NELL2: variants seen among roughly 807,000 people sequenced by gnomAD.
The protein encoded by NELL2 is protein kinase C-binding protein NELL2.
In NELL2, 41 loss-of-function variants were observed where a neutral mutation model predicts 109.6. The observed-to-expected ratio is 0.37, with a 90% CI of 0.29 to 0.49. The LOEUF (loss-of-function observed/expected upper bound fraction) is 0.49, where lower values mean the gene tolerates loss of function less well. Among genes scored for constraint, NELL2 ranks in the 20% least tolerant of loss-of-function variants. The pLI, the probability that NELL2 is intolerant of heterozygous loss-of-function variation, is 0.98. For missense variants in NELL2, 900 were observed against 1,008.3 expected (o/e 0.89, Z 1.45); for synonymous variants, 355 against 344.7 (o/e 1.03, Z -0.33).
chr12:44,845,698 T>C (rs1029807066), intron 2 of NELL2, among the ~76,000 whole-genome samples: 6 of 152,226 alleles, frequency 3.9e-5, no homozygotes, highest in Non-Finnish European at 8.8e-5. Context: ...AATTAAGATT[T>C]GGAACTTTGT....
At chr12:44,552,792 G>A (rs531503400) in intron 15 of NELL2, among the ~76,000 whole-genome samples, 1 of 152,144 alleles carries the variant, frequency 6.6e-6, no homozygotes, top group Non-Finnish European at 1.5e-5. Flanking sequence ...CTCTTTCAAT[G>A]TCTTAAAGTT....
At chr12:44,827,699 T>C (rs916230647) in intron 2 of NELL2, among the ~76,000 whole-genome samples, 2 of 152,222 alleles carry the variant, frequency 1.3e-5, no homozygotes, top group Admixed American at 1.3e-4. Flanking sequence ...TACCATATTT[T>C]CATTATCTAT....
At chr12:44,771,541 T>C (rs925265564) in intron 9 of NELL2, among the ~76,000 whole-genome samples, 3 of 152,214 alleles carry the variant, frequency 2.0e-5, no homozygotes, top group Admixed American at 1.3e-4. Context: ...AGGAGAAATA[T>C]GGCTTCATTA....
intron 9 of NELL2, among the ~76,000 whole-genome samples, chr12:44,736,705 C>T (rs74079179): frequency 0.054 from 8,150 of 151,992 alleles, 686 homozygotes; most frequent in African/African-American, 0.18. Flanking sequence ...GTAAATTAAA[C>T]TTTAAATTCA....
At chr12:44,745,615 A>C (rs1209324319) in intron 9 of NELL2, among the ~76,000 whole-genome samples, 1 of 152,298 alleles carries the variant, frequency 6.6e-6, no homozygotes, top group African/African-American at 2.4e-5. Context: ...TCAGGATACA[A>C]AATCAATGTA....
At chr12:44,622,152 C>A (rs1430603463) in intron 13 of NELL2, among the ~76,000 whole-genome samples, 1 of 152,146 alleles carries the variant, frequency 6.6e-6, no homozygotes, top group Non-Finnish European at 1.5e-5. Context: ...TTTTCAATTT[C>A]TCAGAGCATT....
chr12:44,898,089 AG>A (rs1945615644), intron 1 of NELL2, among the ~76,000 whole-genome samples: 1 of 152,220 alleles, frequency 6.6e-6, no homozygotes, highest in Non-Finnish European at 1.5e-5. Flanking sequence ...CATCTCTGAA[AG>A]AAAGTCAGCA....
intron 6 of NELL2, 55 bp downstream of exon 6, chr12:44,777,187 C>G: frequency 1.2e-6 from 2 of 1,608,724 alleles, no homozygotes; most frequent in Non-Finnish European, 1.7e-6. Context: ...CTGGTTAAGT[C>G]TATGCTGACA....
upstream of NELL2, among the ~76,000 whole-genome samples, chr12:44,916,399 A>AG (rs1477427085): frequency 6.6e-6 from 1 of 152,226 alleles, no homozygotes; most frequent in Admixed American, 6.5e-5. Context: ...GCTAAAAAAA[A>AG]TGGTATTAAT....
chr12:44,510,121 C>T (rs1940928708), intron 19 of NELL2, among the ~76,000 whole-genome samples: 1 of 152,176 alleles, frequency 6.6e-6, no homozygotes, highest in African/African-American at 2.4e-5. Flanking sequence ...TCCCTGCACT[C>T]TTACTTTTCT....
chr12:44,912,329 G>T (rs1197155751), intron 1 of NELL2, among the ~76,000 whole-genome samples: 2 of 152,048 alleles, frequency 1.3e-5, no homozygotes, highest in African/African-American at 2.4e-5. Flanking sequence ...AGTTCTATGG[G>T]ATGTTGAAAG....
In NELL2 at chr12:44,741,725, T is replaced by C. The variant is rs1019900080; in HGVS notation, c.995-26984A>G. The stretch of plus-strand genomic sequence containing the variant: ...TCATTACTAGCACAGCAGTCTGAGA[T>C]CAAACTGCAAGGTGGCAGCGAGGCT... On this transcript the variant is annotated intron_variant, in intron 9 of 19. Transcript: ENST00000429094. 2.6e-5 allele frequency among the ~76,000 whole-genome samples: 4 copies of C among 152,208 alleles called. No homozygotes were observed. The East Asian group carries it at 7.7e-4, about 29-fold the overall frequency.
intron 9 of NELL2, among the ~76,000 whole-genome samples, chr12:44,732,859 C>T (rs1173939374): frequency 1.3e-5 from 2 of 151,788 alleles, no homozygotes; most frequent in Non-Finnish European, 2.9e-5. Flanking sequence ...GGCAGAAAAA[C>T]AAATAACCCA....
intron 12 of NELL2, among the ~76,000 whole-genome samples, chr12:44,691,777 T>C (rs937384512): frequency 6.6e-6 from 1 of 152,154 alleles, no homozygotes; most frequent in African/African-American, 2.4e-5. Flanking sequence ...ACCACAACAT[T>C]CCCTTGAGCC....
At chr12:44,740,571 G>A (rs1379117624) in intron 9 of NELL2, among the ~76,000 whole-genome samples, 6 of 151,946 alleles carry the variant, frequency 3.9e-5, no homozygotes, top group Non-Finnish European at 5.9e-5. Flanking sequence ...GGGTCCAGGA[G>A]CTTGTGAAAA....
At chr12:44,779,798 C>T in intron 4 of NELL2, 39 bp from the exon 5 acceptor site, 1 of 1,612,952 alleles carries the variant, frequency 6.2e-7, no homozygotes, top group South Asian at 1.1e-5. Flanking sequence ...CGTGAGTAGA[C>T]AGTCATTTCT....
intron 11 of NELL2, among the ~76,000 whole-genome samples, chr12:44,706,360 T>G (rs1937877742): frequency 6.6e-6 from 1 of 152,206 alleles, no homozygotes; most frequent in Non-Finnish European, 1.5e-5. Flanking sequence ...AAATTCAGAC[T>G]TGATTTCGAG....
chr12:44,693,534 G>A (rs969972150), intron 12 of NELL2, among the ~76,000 whole-genome samples: 3 of 152,094 alleles, frequency 2.0e-5, no homozygotes, highest in Non-Finnish European at 4.4e-5. Flanking sequence ...ATTTAGAACG[G>A]TTTCATCTTT....
At chr12:44,684,783 T>C (rs1171856248) in intron 12 of NELL2, among the ~76,000 whole-genome samples, 3 of 152,116 alleles carry the variant, frequency 2.0e-5, no homozygotes, top group Non-Finnish European at 2.9e-5. Flanking sequence ...GTCTGAGAGA[T>C]AGTTTGTTAT....
Sources: allele counts gnomAD v4.1 joint callset (sites outside exome capture counted in the v4.1 genomes callset), GRCh38; gene constraint gnomAD v4.1.1; transcripts MANE v1.5; gene names NCBI Gene and HGNC (gene_info 2026-07-23, HGNC 2026-07-21).